Variants in GPR19 observed in about 807,000 individuals in gnomAD.
The protein encoded by GPR19 is G protein-coupled receptor 19.
GPR19 carries 14 observed loss-of-function variants against 28.5 expected under a neutral mutation model. The observed-to-expected ratio is 0.49, with a 90% CI of 0.32 to 0.77. The LOEUF is 0.77. Among genes scored for constraint, GPR19 ranks in the 30% least tolerant of loss-of-function variants. The pLI is 0.03. For synonymous variants in GPR19, 173 were observed against 184.1 expected, an observed-to-expected ratio of 0.94 and a Z score of 0.49; for missense variants, 409 against 504.1, an observed-to-expected ratio of 0.81 and a Z score of 1.81.
In GPR19 at chr12:12,662,332, G is replaced by T; in HGVS notation, c.117C>A (p.Tyr39Ter). Reference sequence around the variant, plus strand: ...TGTGCTCCTCACTTAATTCCATCAGGTATTGGCTTGGCAGAGGTGTGGCTG... The same window carrying T: ...TGTGCTCCTCACTTAATTCCATCAGTTATTGGCTTGGCAGAGGTGTGGCTG... ...TETATPLPSQ[Y>*]LMELSEEHSW... is the part of the protein sequence containing the mutation. The change falls in exon 4 of 4, where the codon TAC becomes TAA. Residue 39 changes from tyrosine to a stop codon, truncating the protein, a stop_gained. Coordinates refer to ENST00000651487, the MANE Select transcript of GPR19 (RefSeq NM_006143.3). LOFTEE classifies it high-confidence loss of function. 6.2e-7 allele frequency: 1 copy of T among 1,614,210 alleles called. No individual in the cohort carries two copies. Among genetic ancestry groups the T allele is most frequent in the Non-Finnish European group, 8.5e-7 (1 of 1,180,030 alleles).
the GPR19 span, among the ~76,000 whole-genome samples, chr12:12,710,725 G>C: frequency 6.6e-6 from 1 of 152,048 alleles, no homozygotes; most frequent in African/African-American, 2.4e-5. Context: ...TTTTTTTGTA[G>C]AGACAGGGTC....
chr12:12,673,506 T>A (rs71457164), intron 3 of GPR19, among the ~76,000 whole-genome samples: 55 of 152,216 alleles, frequency 3.6e-4, no homozygotes, highest in Non-Finnish European at 7.9e-4. Context: ...TAAGCCACTT[T>A]GAGTTTTGTT....
intron 3 of GPR19, among the ~76,000 whole-genome samples, chr12:12,663,162 C>T (rs573998229): frequency 1.1e-4 from 17 of 152,306 alleles, no homozygotes; most frequent in Admixed American, 3.3e-4. Flanking sequence ...TTGCCACCTA[C>T]CAGTGACATA....
At chr12:12,694,592 T>C (rs191804668) in intron 2 of GPR19, among the ~76,000 whole-genome samples, 2 of 152,308 alleles carry the variant, frequency 1.3e-5, no homozygotes, top group African/African-American at 4.8e-5. Context: ...AGGTGGCATG[T>C]ACTTTACACT....
At chr12:12,697,286 A>G (rs1281853593), upstream of GPR19, among the ~76,000 whole-genome samples, 1 of 151,966 alleles carries the variant, frequency 6.6e-6, no homozygotes, top group East Asian at 1.9e-4. Context: ...CTTCAAAGTC[A>G]GTTTCAGGTG....
intron 3 of GPR19, among the ~76,000 whole-genome samples, chr12:12,682,744 A>G (rs1946040494): frequency 6.6e-6 from 1 of 152,202 alleles, no homozygotes; most frequent in Non-Finnish European, 1.5e-5. Flanking sequence ...TAGTTTTTCC[A>G]TAGCTTATAG....
intron 3 of GPR19, among the ~76,000 whole-genome samples, chr12:12,677,444 A>T (rs1945949215): frequency 6.6e-6 from 1 of 151,948 alleles, no homozygotes; most frequent in African/African-American, 2.4e-5. Flanking sequence ...TATTTGCTCT[A>T]TTATTTGAGA....
chr12:12,686,003 A>G (rs184143639), intron 2 of GPR19, among the ~76,000 whole-genome samples: 1 of 152,358 alleles, frequency 6.6e-6, no homozygotes, highest in East Asian at 1.9e-4. Context: ...GAGTTGTCAA[A>G]TTATTTTAAA....
chr12:12,703,741 TG>T, the GPR19 span, among the ~76,000 whole-genome samples: 10 of 152,144 alleles, frequency 6.6e-5, no homozygotes, highest in East Asian at 1.7e-3. Flanking sequence ...GGCTTGGAGT[TG>T]GAGTACTTTT....
rs138206999 is a variant in GPR19 at position 12,671,112 on chromosome 12, A to G, written c.-22-8642T>C. On this transcript the variant is annotated intron_variant, in intron 3 of 3. Transcript: ENST00000651487. Reference sequence around the variant, plus strand: ...TCAGGTGTTTAAGACCAGACAGGCCAACATGGTGAAACCCCATCTCTACTA... The same window carrying G: ...TCAGGTGTTTAAGACCAGACAGGCCGACATGGTGAAACCCCATCTCTACTA... Among the ~76,000 whole-genome samples, 746 of 152,034 alleles carry G rather than the reference A, an allele frequency of 4.9e-3. 1 individual carries two copies. The highest frequency in any genetic ancestry group is 7.0e-3 in the Non-Finnish European group (478 of 67,988).
the GPR19 span, among the ~76,000 whole-genome samples, chr12:12,705,101 A>G: frequency 1.3e-5 from 2 of 148,852 alleles, no homozygotes; most frequent in Non-Finnish European, 3.0e-5. Flanking sequence ...TGTCAAGAAT[A>G]AATAGAAATG....
chr12:12,683,908 A>T (rs6488544), intron 3 of GPR19, among the ~76,000 whole-genome samples: 32 of 152,122 alleles, frequency 2.1e-4, no homozygotes, highest in Non-Finnish European at 4.3e-4. Context: ...GAAGATGATC[A>T]CACAGCACAA....
At chr12:12,702,678 A>C in the GPR19 span, among the ~76,000 whole-genome samples, 3 of 152,180 alleles carry the variant, frequency 2.0e-5, no homozygotes, top group Non-Finnish European at 4.4e-5. Flanking sequence ...AAAACAAACC[A>C]GTAAGGGATG....
chr12:12,716,829 C>T, the GPR19 span: 2 of 984,948 alleles, frequency 2.0e-6, no homozygotes, highest in East Asian at 1.1e-4. Flanking sequence ...CCAGCAAAGG[C>T]ACGCCGGCGG....
the GPR19 span, among the ~76,000 whole-genome samples, chr12:12,711,789 C>T: frequency 6.6e-6 from 1 of 152,104 alleles, no homozygotes; most frequent in African/African-American, 2.4e-5. Flanking sequence ...TCTCAAATAC[C>T]CAAGCTTGAG....
intron 3 of GPR19, among the ~76,000 whole-genome samples, chr12:12,672,055 T>C (rs1015182464): frequency 6.6e-6 from 1 of 152,116 alleles, no homozygotes; most frequent in African/African-American, 2.4e-5. Flanking sequence ...AAAGGTGAAG[T>C]TGAAGAAGAT....
chr12:12,687,864 G>A (rs992899576), intron 2 of GPR19, among the ~76,000 whole-genome samples: 5 of 152,168 alleles, frequency 3.3e-5, no homozygotes, highest in African/African-American at 9.7e-5. Context: ...AGGCTGAGGT[G>A]GGAGAATCGC....
chr12:12,684,397 GT>G lies in GPR19; in HGVS notation c.-70del, dbSNP rs1385973418. On this transcript the variant is annotated 5_prime_UTR_variant, in exon 3 of 4. It introduces an in-frame stop codon into an upstream open reading frame of the 5' UTR. Coordinates refer to ENST00000651487, the MANE Select transcript of GPR19 (RefSeq NM_006143.3). ...GAGACGTTCTCTTTAGATCTTCTTGGTCAGGAATAGCCCTTGCATAGGAGTT... is the reference window on the plus strand; with the variant it reads ...GAGACGTTCTCTTTAGATCTTCTTGGCAGGAATAGCCCTTGCATAGGAGTT... 6.6e-6 allele frequency: 1 copy of G among 152,190 alleles called. No individual in the cohort carries two copies. Among genetic ancestry groups the G allele is most frequent in the Non-Finnish European group, 1.5e-5 (1 of 68,054 alleles). 9.4% of individuals were successfully genotyped at this position (152,190 alleles called of 1,614,324 possible).
intron 2 of GPR19, among the ~76,000 whole-genome samples, chr12:12,688,217 G>A (rs951506180): frequency 1.3e-5 from 2 of 152,080 alleles, no homozygotes; most frequent in East Asian, 1.9e-4. Flanking sequence ...CAAATTTAGC[G>A]TTACTAATAG....
Sources: gnomAD v4.1 joint callset for allele counts (sites outside exome capture counted in the v4.1 genomes callset) on GRCh38, gnomAD v4.1.1 for gene constraint, MANE v1.5 for transcripts, NCBI Gene and HGNC (gene_info 2026-07-23, HGNC 2026-07-21) for gene names.